The following DISP3 variants were observed in gnomAD, a reference collection of about 807,000 sequenced individuals.
DISP3 encodes dispatched RND transporter family member 3.
In DISP3, 101 loss-of-function variants were observed where a neutral mutation model predicts 135.3. The ratio of observed to expected loss-of-function variants is 0.75; its 90% confidence interval spans 0.64 to 0.88. DISP3 has a LOEUF of 0.88. Among genes scored for constraint, DISP3 ranks in the 40% least tolerant of loss-of-function variants. The pLI is 0.00. For synonymous variants in DISP3, 856 were observed against 817.0 expected (o/e 1.05, Z -0.81); for missense variants, 1,713 against 1,878.6 (o/e 0.91, Z 1.63).
Position 11,520,933 on chromosome 1 carries a change from GT to G in DISP3, c.2362+86del. 2.8e-6 allele frequency: 4 copies of G among 1,434,870 alleles called. No individual in the cohort carries two copies. Among genetic ancestry groups the G allele is most frequent in the Non-Finnish European group, 3.7e-6 (4 of 1,072,628 alleles). The allele number at this position is 1,434,870 out of a possible 1,614,324, so 88.9% of individuals were successfully genotyped here. ...TGGTCTGAGAGATGCAGGATCCAGG[GT>G]CCCCATCAATGCCAGACCTCAGGCA... On this transcript the variant is annotated intron_variant, in intron 10 of 20. Coordinates refer to ENST00000294484, the MANE Select transcript of DISP3 (RefSeq NM_020780.2). This position sits in a 1 kb window ranked among gnomAD's most constrained non-coding sequence, Gnocchi z 4.8.
chr1:11,479,579 G>A (rs1640835192), intron 1 of DISP3, among the ~76,000 whole-genome samples: 1 of 152,214 alleles, frequency 6.6e-6, no homozygotes, highest in African/African-American at 2.4e-5. Context: ...ACCCAAGCTT[G>A]CCCTCTACGA....
Position 11,519,990 on chromosome 1 carries a change from C to T in DISP3, c.2200+110C>T, listed in dbSNP as rs917098470. The T allele has an allele frequency of 5.4e-6, 6 of 1,111,778 alleles. No homozygotes were observed. The African/African-American group carries it at 9.4e-5, about 17-fold the overall frequency. The allele number at this position is 1,111,778 out of a possible 1,614,324, so 68.9% of individuals were successfully genotyped here. A position where few individuals can be genotyped will look rare whatever the true frequency, so the allele number is the denominator to read the frequency against. Reference sequence around the variant, plus strand: ...GATGCCCCAGGGTCAGAGGCCTGGGCTGGGGTCTCTCCCTCTCTGACCCCC... The same window carrying T: ...GATGCCCCAGGGTCAGAGGCCTGGGTTGGGGTCTCTCCCTCTCTGACCCCC... On this transcript the variant is annotated intron_variant, in intron 9 of 20. Coordinates refer to ENST00000294484, the MANE Select transcript of DISP3 (RefSeq NM_020780.2). The surrounding 1 kb of genome is among the most constrained non-coding windows in gnomAD (Gnocchi z 4.3).
intron 1 of DISP3, among the ~76,000 whole-genome samples, chr1:11,496,046 A>G (rs1416038883): frequency 1.3e-5 from 2 of 152,230 alleles, no homozygotes; most frequent in Non-Finnish European, 2.9e-5. Flanking sequence ...GAAAATAAAA[A>G]TCACCCATAA....
In DISP3 at chr1:11,537,416, C is replaced by T. The variant is rs943130236; in HGVS notation, c.*730C>T. 1 of 152,386 alleles carries T rather than the reference C, an allele frequency of 6.6e-6. No homozygotes were observed. Among genetic ancestry groups the T allele is most frequent in the African/African-American group, 2.4e-5 (1 of 41,478 alleles). 9.4% of individuals were successfully genotyped at this position (152,386 alleles called of 1,614,324 possible). A position where few individuals can be genotyped will look rare whatever the true frequency, so the allele number is the denominator to read the frequency against. On this transcript the variant is annotated 3_prime_UTR_variant, in exon 21 of 21. Transcript: ENST00000294484. ...GGCTCTGGGGCTCAGCACAGCTTTCCTCATGGATCTAAGCCCCTGTCTTTC... is the reference window on the plus strand; with the variant it reads ...GGCTCTGGGGCTCAGCACAGCTTTCTTCATGGATCTAAGCCCCTGTCTTTC...
rs573926399 is a variant in DISP3, at chr1:11,531,797, G to T, written c.3375+87G>T. ...GATCCCAGCCCTCTTCCCAGATCGG[G>T]GGGGAGATGCTGAGGCCCAGAGAGG... On this transcript the variant is annotated intron_variant, in intron 17 of 20. Coordinates refer to ENST00000294484, the MANE Select transcript of DISP3 (RefSeq NM_020780.2). This position sits in a 1 kb window ranked among gnomAD's most constrained non-coding sequence, Gnocchi z 5.2. The T allele has an allele frequency of 1.7e-5, 25 of 1,493,270 alleles. No homozygotes were observed. The highest frequency in any genetic ancestry group is 1.4e-4 in the African/African-American group (10 of 71,518). The allele number at this position is 1,493,270 out of a possible 1,614,324, so 92.5% of individuals were successfully genotyped here.
chr1:11,533,936 G>A, intron 17 of DISP3: 1 of 703,158 alleles, frequency 1.4e-6, no homozygotes, highest in Non-Finnish European at 2.6e-6. Flanking sequence ...CACCTGCCAG[G>A]GCCAGGCAGG....
Position 11,502,743 on chromosome 1 carries a change from G to A in DISP3, c.1162G>A (p.Asp388Asn). ...GTATGTGGATGAGGGCCTCTCTGCA[G>A]ACAATCTGAAGAGCTCCCTCCTGCG... ...YWYVDEGLSA[D>N]NLKSSLLRSE... The change falls in exon 3 of 21, where the codon GAC becomes AAC. Residue 388 changes from aspartate (D) to asparagine (N), a missense_variant. Physicochemically the swap from Asp to Asn is conservative, Grantham distance 23. This residue lies in a region of DISP3 where 1,142 missense variants were observed against 1,384.6 expected (regional missense o/e 0.82). Transcript: ENST00000294484. The A allele has an allele frequency of 6.2e-7, 1 of 1,614,190 alleles. No individual in the cohort carries two copies. The highest frequency in any genetic ancestry group is 8.5e-7 in the Non-Finnish European group (1 of 1,180,030).
At chr1:11,527,341 C>T (rs12743429) in intron 13 of DISP3, among the ~76,000 whole-genome samples, 16,844 of 151,964 alleles carry the variant, frequency 0.11, 1,198 homozygotes, top group East Asian at 0.23. Flanking sequence ...CGAGGTCAGC[C>T]GATCGAGACC....
At chr1:11,505,841 G>T (rs985361268) in intron 3 of DISP3, among the ~76,000 whole-genome samples, 1 of 151,996 alleles carries the variant, frequency 6.6e-6, no homozygotes, top group Non-Finnish European at 1.5e-5. Context: ...CATATTTACC[G>T]TTTCTGTTGG....
In DISP3 at chr1:11,520,411, G is replaced by A. The variant is rs1180950680; in HGVS notation, c.2201-276G>A. Among the ~76,000 whole-genome samples, 1 of 152,144 alleles carries A rather than the reference G, an allele frequency of 6.6e-6. No homozygotes were observed. Among genetic ancestry groups the A allele is most frequent in the Non-Finnish European group, 1.5e-5 (1 of 68,024 alleles). Reference sequence around the variant, plus strand: ...AGTGCACCAGCTCGTCATAAACTATGAGGTGCTCTGAGGTGGTGGCCGCCT... The same window carrying A: ...AGTGCACCAGCTCGTCATAAACTATAAGGTGCTCTGAGGTGGTGGCCGCCT... On this transcript the variant is annotated intron_variant, in intron 9 of 20. Coordinates refer to ENST00000294484, the MANE Select transcript of DISP3 (RefSeq NM_020780.2). The surrounding 1 kb of genome is among the most constrained non-coding windows in gnomAD (Gnocchi z 4.8).
At chr1:11,526,177 G>C (rs192683253) in intron 12 of DISP3, among the ~76,000 whole-genome samples, 3 of 152,338 alleles carry the variant, frequency 2.0e-5, no homozygotes, top group Admixed American at 1.3e-4. Flanking sequence ...CCCACTGCCT[G>C]AAAAGCTTTT....
chr1:11,536,505 C>T lies in DISP3; in HGVS notation c.3998C>T (p.Thr1333Met), dbSNP rs771544744. ...AACACGGGCGTGTCCATCCTCTACACGCTGACCGTCAGCACCGCCCTGCTG... is the reference window on the plus strand; with the variant it reads ...AACACGGGCGTGTCCATCCTCTACATGCTGACCGTCAGCACCGCCCTGCTG... Reference protein sequence around the residue: ...ALNTGVSILYTLTVSTALLGI... With the variant: ...ALNTGVSILYMLTVSTALLGI... Residue 1333 changes from threonine to methionine, a missense_variant, in exon 21 of 21, where the codon ACG becomes ATG. By Grantham distance (81) the Thr-to-Met change is moderately conservative. Coordinates refer to ENST00000294484, the MANE Select transcript of DISP3 (RefSeq NM_020780.2). This position sits in a 1 kb window ranked among gnomAD's most constrained non-coding sequence, Gnocchi z 4.3. 26 of 1,613,350 alleles carry T rather than the reference C, an allele frequency of 1.6e-5. No individual in the cohort carries two copies. Among genetic ancestry groups the T allele is most frequent in the African/African-American group, 2.7e-5 (2 of 74,938 alleles).
At chr1:11,484,523 G>C (rs1640983982) in intron 1 of DISP3, among the ~76,000 whole-genome samples, 1 of 152,234 alleles carries the variant, frequency 6.6e-6, no homozygotes, top group African/African-American at 2.4e-5. Flanking sequence ...ATCCCCTGAG[G>C]GCATTAGTGA....
intron 3 of DISP3, among the ~76,000 whole-genome samples, chr1:11,507,424 G>A (rs528068776): frequency 4.6e-5 from 7 of 152,126 alleles, no homozygotes; most frequent in African/African-American, 7.2e-5. Context: ...TGCTTTTTCC[G>A]AGGCTTTCTG....
At chr1:11,503,008 T>G in intron 3 of DISP3, 111 bp downstream of exon 3, 1 of 1,020,748 alleles carries the variant, frequency 9.8e-7, no homozygotes, top group East Asian at 2.6e-5. Flanking sequence ...TTGGAAGTCT[T>G]TCTTTCCAAA....
rs559866507 is a variant in DISP3 at position 11,529,465 on chromosome 1, A to G, written c.2799-91A>G. 2.7e-5 allele frequency: 39 copies of G among 1,429,566 alleles called. No individual in the cohort carries two copies. The South Asian group carries it at 5.3e-4, about 20-fold the overall frequency. 88.6% of individuals were successfully genotyped at this position (1,429,566 alleles called of 1,614,324 possible). Reference sequence around the variant, plus strand: ...CCGAGTCCAGACCCCATGACACCCCAGCCCCAGTCCCAACCCTGGCCTGCT... The same window carrying G: ...CCGAGTCCAGACCCCATGACACCCCGGCCCCAGTCCCAACCCTGGCCTGCT... On this transcript the variant is annotated intron_variant, in intron 13 of 20. Coordinates refer to ENST00000294484, the MANE Select transcript of DISP3 (RefSeq NM_020780.2). The surrounding 1 kb of genome is among the most constrained non-coding windows in gnomAD (Gnocchi z 4.7).
chr1:11,535,616 G>C lies in DISP3; in HGVS notation c.3788G>C (p.Gly1263Ala), dbSNP rs1642689307. The stretch of plus-strand genomic sequence containing the variant: ...CTGGTCGAGGGCTACCTGCTGGCTG[G>C]AGAGAACCTGCCCCCCCACCAGGCC... Reference protein sequence around the residue: ...VHLVEGYLLAGENLPPHQAED... With the variant: ...VHLVEGYLLAAENLPPHQAED... The change falls in exon 20 of 21, where the codon GGA (glycine) becomes GCA (alanine). Residue 1263 changes from glycine (G) to alanine (A), a missense_variant. Physicochemically the swap from Gly to Ala is moderately conservative, Grantham distance 60. This residue lies in a region of DISP3 where 1,142 missense variants were observed against 1,384.6 expected (regional missense o/e 0.82). Coordinates refer to ENST00000294484, the MANE Select transcript of DISP3 (RefSeq NM_020780.2). The C allele has an allele frequency of 1.2e-6, 2 of 1,612,898 alleles. No homozygotes were observed. The highest frequency in any genetic ancestry group is 1.7e-6 in the Non-Finnish European group (2 of 1,179,810).
At position 11,501,567 on chromosome 1, in the gene DISP3, C is replaced by G; in HGVS notation, c.575C>G (p.Ala192Gly). 2 of 1,588,516 alleles carry G rather than the reference C, an allele frequency of 1.3e-6. No individual in the cohort carries two copies. The highest frequency in any genetic ancestry group is 8.6e-7 in the Non-Finnish European group (1 of 1,165,622). ...GPGPYRDTSA[A>G]QKPTANRSGR... ...GGCCCTTACCGGGACACTTCCGCGG[C>G]TCAAAAGCCCACAGCCAATCGGAGC... Residue 192 changes from alanine (A) to glycine (G), a missense_variant, in exon 2 of 21, where the codon GCT becomes GGT. Around this residue, in one of 2 missense-constraint regions of DISP3, gnomAD observed 571 missense variants for 494.1 expected, o/e 1.16. Transcript: ENST00000294484. This position sits in a 1 kb window ranked among gnomAD's most constrained non-coding sequence, Gnocchi z 4.9.
At position 11,535,462 on chromosome 1, in the gene DISP3, T is replaced by G; in HGVS notation, c.3650-16T>G. Reference sequence around the variant, plus strand: ...GGCGGGGGATCCGAGCTGCCCCCCCTGCTGTCTCCTTGCAGGCATCGTGTG... The same window carrying G: ...GGCGGGGGATCCGAGCTGCCCCCCCGGCTGTCTCCTTGCAGGCATCGTGTG... On this transcript the variant is annotated splice_polypyrimidine_tract_variant and intron_variant, in intron 19 of 20. Coordinates refer to ENST00000294484, the MANE Select transcript of DISP3 (RefSeq NM_020780.2). 6.3e-7 allele frequency: 1 copy of G among 1,594,304 alleles called. No homozygotes were observed. The highest frequency in any genetic ancestry group is 8.6e-7 in the Non-Finnish European group (1 of 1,167,742).
Sources: allele counts gnomAD v4.1 joint callset (sites outside exome capture counted in the v4.1 genomes callset), GRCh38; gene constraint gnomAD v4.1.1; regional missense constraint gnomAD v4.1.1; non-coding constraint Gnocchi (gnomAD v3.1); transcripts MANE v1.5; gene names NCBI Gene and HGNC (gene_info 2026-07-23, HGNC 2026-07-21).